LRRC37A2: variants seen among roughly 807,000 people sequenced by gnomAD.
LRRC37A2 encodes leucine-rich repeat-containing protein 37A2.
In LRRC37A2, 9 loss-of-function variants were observed where a neutral mutation model predicts 68.8. The ratio of observed to expected loss-of-function variants is 0.13; its 90% CI spans 0.08 to 0.23. The LOEUF (loss-of-function observed/expected upper bound fraction) is 0.23. LRRC37A2 is among the 10% of genes least tolerant of loss of function. The pLI is 1.00. For synonymous variants in LRRC37A2, 63 were observed against 367.6 expected (o/e 0.17, Z 9.48); for missense variants, 168 against 950.4 (o/e 0.18, Z 10.82).
the LRRC37A2 span, among the ~76,000 whole-genome samples, chr17:46,985,110 A>G: frequency 0.7 from 106,511 of 152,072 alleles, 37,925 homozygotes; most frequent in Middle Eastern, 0.78. Context: ...AGTTAATGAC[A>G]TTTTACTGCA....
At chr17:47,008,303 G>A in the LRRC37A2 span, among the ~76,000 whole-genome samples, 3 of 151,282 alleles carry the variant, frequency 2.0e-5, no homozygotes, top group Non-Finnish European at 4.4e-5. Flanking sequence ...AGTAGAGACG[G>A]GGTTTCACCG....
chr17:46,897,842 C>T, the LRRC37A2 span, among the ~76,000 whole-genome samples: 1 of 151,974 alleles, frequency 6.6e-6, no homozygotes, highest in East Asian at 1.9e-4. Context: ...ACTCCTGAAC[C>T]CCTTGCTTCT....
chr17:46,862,606 G>A, the LRRC37A2 span, among the ~76,000 whole-genome samples: 3 of 152,016 alleles, frequency 2.0e-5, no homozygotes, highest in Admixed American at 6.6e-5. Context: ...TTTTTGAGAC[G>A]GAGTCTTGCT....
At chr17:46,782,025 C>G in the LRRC37A2 span, among the ~76,000 whole-genome samples, 1 of 152,198 alleles carries the variant, frequency 6.6e-6, no homozygotes, top group Admixed American at 6.5e-5. Context: ...AAAGGACCCA[C>G]CTGGCTTCAC....
chr17:47,008,460 C>A, the LRRC37A2 span, among the ~76,000 whole-genome samples: 1 of 141,236 alleles, frequency 7.1e-6, no homozygotes, highest in Admixed American at 7.3e-5. Flanking sequence ...TTAATAGATA[C>A]TTATTTTTTT....
chr17:47,026,032 C>A, the LRRC37A2 span, among the ~76,000 whole-genome samples: 2,164 of 139,592 alleles, frequency 0.016, 47 homozygotes, highest in African/African-American at 0.052. Flanking sequence ...AAATGGGATA[C>A]AAAATAACTA....
chr17:46,836,351 C>G, the LRRC37A2 span, among the ~76,000 whole-genome samples: 10 of 152,082 alleles, frequency 6.6e-5, no homozygotes, highest in Admixed American at 6.6e-4. Context: ...ATTCATGAAG[C>G]CTGGTTTCTA....
the LRRC37A2 span, among the ~76,000 whole-genome samples, chr17:46,877,333 T>A: frequency 2.0e-4 from 31 of 152,182 alleles, no homozygotes; most frequent in African/African-American, 7.5e-4. Context: ...TGTGCTTGAG[T>A]GGACCCGAGT....
At chr17:46,821,482 C>T in the LRRC37A2 span, among the ~76,000 whole-genome samples, 1 of 152,114 alleles carries the variant, frequency 6.6e-6, no homozygotes, top group East Asian at 1.9e-4. Context: ...GATAGAAACA[C>T]CCTCTCTCTA....
chr17:46,994,042 G>A, the LRRC37A2 span, among the ~76,000 whole-genome samples: 1 of 152,170 alleles, frequency 6.6e-6, no homozygotes, highest in Non-Finnish European at 1.5e-5. Context: ...TGAAAGTAGT[G>A]GTTCTCAACA....
the LRRC37A2 span, among the ~76,000 whole-genome samples, chr17:46,949,575 C>T: frequency 6.6e-6 from 1 of 152,192 alleles, no homozygotes; most frequent in African/African-American, 2.4e-5. Flanking sequence ...AGAGTACAAT[C>T]TGCCACACTC....
the LRRC37A2 span, chr17:46,768,697 C>G: frequency 6.2e-7 from 1 of 1,614,134 alleles, no homozygotes; most frequent in Non-Finnish European, 8.5e-7. This position sits in a 1 kb window ranked among gnomAD's most constrained non-coding sequence, Gnocchi z 5.0. Context: ...AGGAAGTCAC[C>G]GATGGCACGG....
the LRRC37A2 span, among the ~76,000 whole-genome samples, chr17:46,946,093 C>A: frequency 8.6e-5 from 13 of 151,964 alleles, no homozygotes; most frequent in African/African-American, 3.1e-4. Context: ...CTTAGGCCAC[C>A]TGGGAATCAA....
At chr17:46,783,400 C>T in the LRRC37A2 span, among the ~76,000 whole-genome samples, 1 of 152,190 alleles carries the variant, frequency 6.6e-6, no homozygotes, top group African/African-American at 2.4e-5. Flanking sequence ...TCACTCAACA[C>T]GCACGAATTG....
At chr17:46,956,434 G>A in the LRRC37A2 span, among the ~76,000 whole-genome samples, 1 of 151,912 alleles carries the variant, frequency 6.6e-6, no homozygotes, top group Non-Finnish European at 1.5e-5. Flanking sequence ...GGGATTACAG[G>A]CATGCACCAC....
At chr17:46,790,421 C>T in the LRRC37A2 span, among the ~76,000 whole-genome samples, 3 of 152,082 alleles carry the variant, frequency 2.0e-5, no homozygotes, top group African/African-American at 7.2e-5. Flanking sequence ...TTTAAGTGGT[C>T]TAGGTGCTCC....
the LRRC37A2 span, chr17:46,821,188 G>A: frequency 6.6e-5 from 10 of 152,354 alleles, no homozygotes; most frequent in Non-Finnish European, 1.3e-4. Context: ...GTTGAAGGGT[G>A]GAATCTAGGA....
chr17:46,796,978 A>G, the LRRC37A2 span, among the ~76,000 whole-genome samples: 17 of 152,238 alleles, frequency 1.1e-4, no homozygotes, highest in Non-Finnish European at 2.1e-4. Context: ...TGAAATAGGC[A>G]GGAGAATCTT....
chr17:46,997,396 G>A, the LRRC37A2 span, among the ~76,000 whole-genome samples: 4 of 152,198 alleles, frequency 2.6e-5, no homozygotes, highest in East Asian at 7.7e-4. Flanking sequence ...CTAACCCCCA[G>A]TGAAGTAACT....
Sources: allele counts gnomAD v4.1 joint callset (sites outside exome capture counted in the v4.1 genomes callset), GRCh38; gene constraint gnomAD v4.1.1; non-coding constraint Gnocchi (gnomAD v3.1); transcripts MANE v1.5; gene names NCBI Gene and HGNC (gene_info 2026-07-23, HGNC 2026-07-21).